Variants in CUBN observed in about 807,000 individuals in gnomAD.
CUBN encodes 460 kDa receptor.
Under a neutral mutation model 405.3 loss-of-function variants are expected in CUBN, and 282 were observed. The observed-to-expected ratio is 0.70, with a 90% CI of 0.63 to 0.77. The LOEUF is 0.77. CUBN is among the 30% of genes least tolerant of loss of function. The pLI is 0.00. For missense variants in CUBN, 4,514 were observed against 4,475.2 expected, an observed-to-expected ratio of 1.01 and a Z score of -0.25; for synonymous variants, 1,684 against 1,617.0, an observed-to-expected ratio of 1.04 and a Z score of -0.99.
chr10:16,861,520 GT>G (rs1840012937), intron 59 of CUBN, among the ~76,000 whole-genome samples: 1 of 152,110 alleles, frequency 6.6e-6, no homozygotes, highest in African/African-American at 2.4e-5. Flanking sequence ...ATTCTCGCAT[GT>G]GAAATGAGTG....
chr10:16,889,201 C>T (rs1194250504), intron 55 of CUBN, among the ~76,000 whole-genome samples: 1 of 152,164 alleles, frequency 6.6e-6, no homozygotes, highest in East Asian at 1.9e-4. Context: ...TATCTCTATC[C>T]TTTTAAATTG....
intron 31 of CUBN, among the ~76,000 whole-genome samples, chr10:16,972,059 T>G (rs1832952579): frequency 6.6e-6 from 1 of 152,142 alleles, no homozygotes; most frequent in Admixed American, 6.5e-5. Flanking sequence ...TTGATACCTT[T>G]GATCACCCAC....
intron 28 of CUBN, among the ~76,000 whole-genome samples, chr10:16,991,647 A>T (rs11254323): frequency 0.6 from 68,769 of 114,974 alleles, 18,246 homozygotes; most frequent in Non-Finnish European, 0.7. Context: ...TTTTTTTTTT[A>T]AATATTCTTT....
At chr10:17,058,660 C>T (rs1364555535) in intron 22 of CUBN, among the ~76,000 whole-genome samples, 2 of 151,854 alleles carry the variant, frequency 1.3e-5, no homozygotes, top group African/African-American at 4.8e-5. Flanking sequence ...ATTAAAAACC[C>T]CTCTTAACTA....
intron 55 of CUBN, among the ~76,000 whole-genome samples, chr10:16,889,984 T>A (rs1381110100): frequency 1.4e-5 from 2 of 146,902 alleles, no homozygotes; most frequent in Non-Finnish European, 3.0e-5. Context: ...AAATTCTGAA[T>A]TCAGTTGGGC....
At chr10:16,925,032 T>C (rs1842142164) in intron 43 of CUBN, among the ~76,000 whole-genome samples, 2 of 152,204 alleles carry the variant, frequency 1.3e-5, no homozygotes, top group African/African-American at 4.8e-5. Context: ...AGTCCAAGCC[T>C]CATTTTATTT....
intron 52 of CUBN, among the ~76,000 whole-genome samples, 169 bp downstream of exon 52, chr10:16,901,169 G>C (rs987117710): frequency 3.9e-5 from 6 of 152,300 alleles, no homozygotes; most frequent in East Asian, 3.9e-4. Context: ...AATAATAAAT[G>C]CCAATGTATG....
chr10:16,857,608 T>C (rs1839898934), intron 59 of CUBN, among the ~76,000 whole-genome samples: 1 of 152,188 alleles, frequency 6.6e-6, no homozygotes, highest in Non-Finnish European at 1.5e-5. Context: ...TGAAAAAGGA[T>C]TTGACAAAAT....
intron 55 of CUBN, among the ~76,000 whole-genome samples, chr10:16,889,686 G>A (rs1172806382): frequency 6.6e-6 from 1 of 151,470 alleles, no homozygotes; most frequent in Non-Finnish European, 1.5e-5. Flanking sequence ...ACGAGGTCAA[G>A]AGATCAAGAT....
At chr10:17,071,020 G>A (rs1430931724) in intron 19 of CUBN, among the ~76,000 whole-genome samples, 1 of 152,168 alleles carries the variant, frequency 6.6e-6, no homozygotes, top group Admixed American at 6.6e-5. Flanking sequence ...TCCATTATGA[G>A]ATTAAGGAAG....
Position 16,984,111 on chromosome 10 carries a change from T to G in CUBN, c.4519A>C (p.Thr1507Pro). 6.2e-7 allele frequency: 1 copy of G among 1,614,172 alleles called. No individual in the cohort carries two copies. ...ACCTCCTTTTCTCACTCACCTCCAG[T>G]GACTGCTTGCCATGACGCATTGAAG... ...RGFNASWQAV[T>P]GGCGGIFQAP... Residue 1507 changes from threonine to proline, a missense_variant, in exon 30 of 67, where the codon ACT (threonine) becomes CCT (proline). This residue lies in a region of CUBN where 1,613 missense variants were observed against 1,542.8 expected (regional missense o/e 1.05). Transcript: ENST00000377833.
chr10:16,941,545 G>A (rs1842650843), intron 36 of CUBN, among the ~76,000 whole-genome samples: 1 of 152,106 alleles, frequency 6.6e-6, no homozygotes, highest in African/African-American at 2.4e-5. Context: ...TTAAAGACAT[G>A]AATAAGAAAA....
chr10:16,866,730 CA>C (rs1195373456), intron 59 of CUBN, among the ~76,000 whole-genome samples: 5 of 152,134 alleles, frequency 3.3e-5, no homozygotes, highest in Non-Finnish European at 5.9e-5. Flanking sequence ...CATTGGAGCA[CA>C]GGGGGGAGAC....
rs1205591222 is a variant in CUBN at position 16,952,321 on chromosome 10, G to T, written c.4924C>A (p.Pro1642Thr). 1.2e-6 allele frequency: 2 copies of T among 1,613,974 alleles called. No homozygotes were observed. Among genetic ancestry groups the T allele is most frequent in the Non-Finnish European group, 1.7e-6 (2 of 1,179,912 alleles). Reference protein sequence around the residue: ...VSSPRFPANYPNNQNCSWIIQ... With the variant: ...VSSPRFPANYTNNQNCSWIIQ... Reference sequence around the variant, plus strand: ...ATCCAGCTGCAGTTCTGATTGTTTGGATAATTGGCAGGGAACCGTGGAGAG... The same window carrying T: ...ATCCAGCTGCAGTTCTGATTGTTTGTATAATTGGCAGGGAACCGTGGAGAG... The change falls in exon 33 of 67, where the codon CCA becomes ACA. Residue 1642 changes from proline to threonine, a missense_variant. Pro to Thr is a conservative substitution (Grantham distance 38). Around this residue, in one of 5 missense-constraint regions of CUBN, gnomAD observed 1,613 missense variants for 1,542.8 expected, o/e 1.05. Transcript: ENST00000377833.
intron 59 of CUBN, among the ~76,000 whole-genome samples, chr10:16,868,771 C>T (rs538827553): frequency 2.6e-5 from 4 of 152,136 alleles, no homozygotes; most frequent in South Asian, 2.1e-4. Flanking sequence ...TTACCTACCC[C>T]CGCTACATCA....
chr10:17,014,890 G>A (rs1156521850), intron 28 of CUBN, among the ~76,000 whole-genome samples: 1 of 152,192 alleles, frequency 6.6e-6, no homozygotes, highest in Non-Finnish European at 1.5e-5. Flanking sequence ...AGAGAAACTG[G>A]GAGTCAGAGT....
Position 16,940,212 on chromosome 10 carries a change from C to A in CUBN, c.5368G>T (p.Asp1790Tyr). ...ATCTCCACAAAATCTCTGCTGCAGT[C>A]CTGAGAGTCTTCCAACTGGAAAGAT... ...FISFQLEDSQ[D>Y]CSRDFVEIRE... is the part of the protein sequence containing the mutation. Residue 1790 changes from aspartate to tyrosine, a missense_variant, in exon 37 of 67, where the codon GAC becomes TAC. By Grantham distance (160) the Asp-to-Tyr change is radical. Around this residue, in one of 5 missense-constraint regions of CUBN, gnomAD observed 1,613 missense variants for 1,542.8 expected, o/e 1.05. Coordinates refer to ENST00000377833, the MANE Select transcript of CUBN (RefSeq NM_001081.4). The A allele has an allele frequency of 1.2e-6, 2 of 1,614,010 alleles. No homozygotes were observed. The highest frequency in any genetic ancestry group is 1.7e-6 in the Non-Finnish European group (2 of 1,179,950).
At chr10:16,961,797 C>T (rs1454718048) in intron 31 of CUBN, among the ~76,000 whole-genome samples, 2 of 150,266 alleles carry the variant, frequency 1.3e-5, no homozygotes. Flanking sequence ...CTGCAACCTC[C>T]GCCTCCCGGG....
intron 3 of CUBN, among the ~76,000 whole-genome samples, chr10:17,127,148 C>T (rs892291306): frequency 1.3e-5 from 2 of 151,938 alleles, no homozygotes; most frequent in Non-Finnish European, 2.9e-5. Context: ...TTCAGCAAGG[C>T]TTCTTTTCTT....
Sources: allele counts gnomAD v4.1 joint callset (sites outside exome capture counted in the v4.1 genomes callset), GRCh38; gene constraint gnomAD v4.1.1; regional missense constraint gnomAD v4.1.1; transcripts MANE v1.5; gene names NCBI Gene and HGNC (gene_info 2026-07-23, HGNC 2026-07-21).